Variants in GALNT10 observed in about 807,000 individuals in gnomAD.
The protein encoded by GALNT10 is polypeptide N-acetylgalactosaminyltransferase 10, also known as GalNAc transferase 10.
A neutral mutation model predicts 75.0 loss-of-function variants in GALNT10; 41 were observed. The ratio of observed to expected loss-of-function variants is 0.55; its 90% CI spans 0.43 to 0.71. GALNT10 has a LOEUF of 0.71. Among genes scored for constraint, GALNT10 ranks in the 30% least tolerant of loss-of-function variants. The pLI is 0.00. For missense variants in GALNT10, 727 were observed against 818.5 expected, an observed-to-expected ratio of 0.89 and a Z score of 1.36; for synonymous variants, 302 against 313.0, an observed-to-expected ratio of 0.96 and a Z score of 0.37.
intron 4 of GALNT10, chr5:154,338,510 G>T: frequency 4.7e-6 from 1 of 211,518 alleles, no homozygotes. Flanking sequence ...TGGGCAGAAA[G>T]CTACAATTTT....
intron 1 of GALNT10, chr5:154,287,416 C>G (rs1408327345): frequency 6.6e-6 from 1 of 152,128 alleles, no homozygotes; most frequent in African/African-American, 2.4e-5. Context: ...CCACCCCCAA[C>G]CCCCACCCCT....
At chr5:154,242,798 T>TA (rs1396465975) in intron 1 of GALNT10, among the ~76,000 whole-genome samples, 2 of 152,212 alleles carry the variant, frequency 1.3e-5, no homozygotes, top group African/African-American at 4.8e-5. Context: ...CCATGCATTT[T>TA]AAAAAGCCCT....
chr5:154,393,050 G>T (rs1236718681), intron 7 of GALNT10: 1 of 35,550 alleles, frequency 2.8e-5, no homozygotes, highest in South Asian at 1.2e-3. Flanking sequence ...TAAATTGGAG[G>T]TCTCCACAAA....
chr5:154,250,377 C>T (rs1274197427), intron 1 of GALNT10, among the ~76,000 whole-genome samples: 1 of 152,102 alleles, frequency 6.6e-6, no homozygotes, highest in Non-Finnish European at 1.5e-5. Context: ...ATGGAAGACC[C>T]AGCTCATTTA....
intron 3 of GALNT10, among the ~76,000 whole-genome samples, chr5:154,307,039 T>C (rs1009227603): frequency 6.6e-6 from 1 of 152,166 alleles, no homozygotes; most frequent in Non-Finnish European, 1.5e-5. Context: ...AAATTACCAA[T>C]ATCAGGAATG....
chr5:154,250,665 A>C (rs1043418047), intron 1 of GALNT10, among the ~76,000 whole-genome samples: 1 of 152,196 alleles, frequency 6.6e-6, no homozygotes, highest in Admixed American at 6.5e-5. Flanking sequence ...GGAGGGGGTT[A>C]GAGTGAGAAA....
At chr5:154,332,594 C>T (rs1020939250) in intron 4 of GALNT10, among the ~76,000 whole-genome samples, 2 of 152,112 alleles carry the variant, frequency 1.3e-5, no homozygotes, top group Non-Finnish European at 2.9e-5. Context: ...CCCCACTAGA[C>T]CACTTGTGGT....
intron 10 of GALNT10, among the ~76,000 whole-genome samples, chr5:154,415,419 C>T (rs113811083): frequency 0.08 from 12,156 of 152,040 alleles, 495 homozygotes; most frequent in East Asian, 0.1. Flanking sequence ...CTCACTGCAA[C>T]GTCTGCCTCC....
intron 1 of GALNT10, among the ~76,000 whole-genome samples, chr5:154,250,430 C>T (rs569140548): frequency 1.3e-5 from 2 of 152,256 alleles, no homozygotes; most frequent in South Asian, 4.2e-4. Context: ...AGAACCCTGG[C>T]ACAAGGGGGA....
At chr5:154,212,828 C>T (rs1453199981) in intron 1 of GALNT10, among the ~76,000 whole-genome samples, 1 of 152,130 alleles carries the variant, frequency 6.6e-6, no homozygotes, top group African/African-American at 2.4e-5. Flanking sequence ...ATTAGCCAGG[C>T]GTGGTGACAG....
At chr5:154,266,915 T>C (rs376834478) in intron 1 of GALNT10, among the ~76,000 whole-genome samples, 4 of 152,286 alleles carry the variant, frequency 2.6e-5, no homozygotes, top group African/African-American at 7.2e-5. Flanking sequence ...TGGAGAACTT[T>C]GCTCCAAATT....
chr5:154,341,405 T>C (rs573636728), intron 4 of GALNT10, among the ~76,000 whole-genome samples: 7 of 152,354 alleles, frequency 4.6e-5, no homozygotes, highest in African/African-American at 1.7e-4. Flanking sequence ...ATTCCTGGGC[T>C]TGTTAATGAA....
At chr5:154,248,988 T>G (rs932895762) in intron 1 of GALNT10, among the ~76,000 whole-genome samples, 1 of 152,216 alleles carries the variant, frequency 6.6e-6, no homozygotes, top group East Asian at 1.9e-4. Flanking sequence ...CTAAGAATGG[T>G]TTTGAAAGAG....
intron 4 of GALNT10, chr5:154,349,531 C>CGGGT (rs762354719): frequency 1.3e-5 from 2 of 152,112 alleles, no homozygotes; most frequent in Non-Finnish European, 1.5e-5. Context: ...CTATGCTGAT[C>CGGGT]GGGTATCTGC....
chr5:154,335,131 G>A (rs902593072), intron 4 of GALNT10, among the ~76,000 whole-genome samples: 10 of 152,096 alleles, frequency 6.6e-5, no homozygotes, highest in Admixed American at 3.3e-4. Context: ...TTTATTGCTT[G>A]GGTTCTTTCG....
rs186866863 is a variant in GALNT10 at position 154,320,047 on chromosome 5, G to T, written c.402-9525G>T. On this transcript the variant is annotated intron_variant, in intron 3 of 11. Transcript: ENST00000297107. ...ATACTGGAGAGATTAATTTGAGCAG[G>T]TCACACAATTTTTTATTTAAACAAA... is the stretch of plus-strand genomic sequence containing the variant. Among the ~76,000 whole-genome samples, 241 of 152,304 alleles carry T rather than the reference G, an allele frequency of 1.6e-3. 1 individual carries two copies. The highest frequency in any genetic ancestry group is 0.01 in the Middle Eastern group (3 of 294).
intron 4 of GALNT10, among the ~76,000 whole-genome samples, chr5:154,363,911 G>A (rs1295023570): frequency 6.6e-6 from 1 of 152,132 alleles, no homozygotes; most frequent in African/African-American, 2.4e-5. Flanking sequence ...AATAAAAGCA[G>A]CAAATGACAA....
chr5:154,239,627 T>C (rs1753301726), intron 1 of GALNT10, among the ~76,000 whole-genome samples: 1 of 151,794 alleles, frequency 6.6e-6, no homozygotes, highest in Non-Finnish European at 1.5e-5. Flanking sequence ...GCCAAAAAGA[T>C]TGGGGGACTG....
chr5:154,376,604 A>G lies in GALNT10; in HGVS notation c.754+142A>G. On this transcript the variant is annotated intron_variant, in intron 5 of 11. Coordinates refer to ENST00000297107, the MANE Select transcript of GALNT10 (RefSeq NM_198321.4). The surrounding 1 kb of genome is among the most constrained non-coding windows in gnomAD (Gnocchi z 4.1). ...AGCACAATGCCAGGTGCCATGAGGG[A>G]TTCAGAAGTTCAGGAGTGCTCAAAA... The G allele has an allele frequency of 1.7e-6, 1 of 582,146 alleles. No individual in the cohort carries two copies. Among genetic ancestry groups the G allele is most frequent in the Non-Finnish European group, 3.0e-6 (1 of 336,784 alleles). The allele number at this position is 582,146 out of a possible 1,614,324, so 36.1% of individuals were successfully genotyped here.
Sources: allele counts gnomAD v4.1 joint callset (sites outside exome capture counted in the v4.1 genomes callset), GRCh38; gene constraint gnomAD v4.1.1; non-coding constraint Gnocchi (gnomAD v3.1); transcripts MANE v1.5; gene names NCBI Gene and HGNC (gene_info 2026-07-23, HGNC 2026-07-21).